Variants in PACRG observed in about 807,000 individuals in gnomAD.
The protein encoded by PACRG is parkin coregulated.
A neutral mutation model predicts 29.7 loss-of-function variants in PACRG; 29 were observed. The ratio of observed to expected loss-of-function variants is 0.98; its 90% CI spans 0.73 to 1.33. PACRG has a LOEUF of 1.33. Ranked by LOEUF, PACRG falls within the 40% of genes most tolerant of loss-of-function variation. The pLI is 0.00. For missense variants in PACRG, 279 were observed against 316.2 expected, an observed-to-expected ratio of 0.88 and a Z score of 0.89; for synonymous variants, 116 against 118.7, an observed-to-expected ratio of 0.98 and a Z score of 0.15.
At chr6:162,875,764 C>T (rs1040833901) in intron 2 of PACRG, among the ~76,000 whole-genome samples, 1 of 152,192 alleles carries the variant, frequency 6.6e-6, no homozygotes, top group Non-Finnish European at 1.5e-5. Context: ...ATCAACCTGG[C>T]ATTCCACTAA....
chr6:163,192,570 A>G (rs934311796), intron 4 of PACRG, among the ~76,000 whole-genome samples: 3 of 152,206 alleles, frequency 2.0e-5, no homozygotes, highest in Non-Finnish European at 2.9e-5. Context: ...AAAAATGTCT[A>G]TTGCCTTATT....
intron 2 of PACRG, among the ~76,000 whole-genome samples, chr6:162,826,852 G>T (rs887343327): frequency 6.6e-6 from 1 of 152,204 alleles, no homozygotes; most frequent in Middle Eastern, 3.4e-3. Flanking sequence ...CTATTACTAT[G>T]AATCTCTTGA....
intron 4 of PACRG, among the ~76,000 whole-genome samples, chr6:163,174,678 A>C (rs1415147557): frequency 6.6e-6 from 1 of 152,190 alleles, no homozygotes; most frequent in African/African-American, 2.4e-5. Flanking sequence ...AAACTTTTTC[A>C]TATATTCAAC....
chr6:163,039,861 G>A (rs1808526735), intron 2 of PACRG, among the ~76,000 whole-genome samples: 1 of 152,222 alleles, frequency 6.6e-6, no homozygotes, highest in Non-Finnish European at 1.5e-5. Context: ...GAGCAGAAAA[G>A]TTTGGAAAAT....
At chr6:163,279,083 T>C (rs1419888857) in intron 4 of PACRG, among the ~76,000 whole-genome samples, 14 of 152,200 alleles carry the variant, frequency 9.2e-5, no homozygotes, top group Non-Finnish European at 1.5e-5. Flanking sequence ...TATTTAGTTT[T>C]TTCTTTTTGC....
chr6:163,078,556 A>C (rs991762178), intron 3 of PACRG, among the ~76,000 whole-genome samples: 6 of 152,174 alleles, frequency 3.9e-5, no homozygotes, highest in African/African-American at 1.4e-4. Flanking sequence ...GGGCTATTTC[A>C]GTGATTAAAT....
intron 2 of PACRG, among the ~76,000 whole-genome samples, chr6:163,040,097 G>C (rs765668892): frequency 5.7e-4 from 87 of 152,236 alleles, no homozygotes; most frequent in Admixed American, 2.1e-3. Flanking sequence ...GGGCCCCACT[G>C]CTCTGAGCGG....
At chr6:162,794,375 A>G (rs1479747341) in intron 1 of PACRG, among the ~76,000 whole-genome samples, 1 of 152,036 alleles carries the variant, frequency 6.6e-6, no homozygotes, top group African/African-American at 2.4e-5. Flanking sequence ...ATGCTTGTAT[A>G]TATCTATTTG....
At chr6:162,769,752 A>G (rs1362508866) in intron 1 of PACRG, among the ~76,000 whole-genome samples, 3 of 146,948 alleles carry the variant, frequency 2.0e-5, no homozygotes, top group African/African-American at 7.9e-5. Context: ...TATCCTACTT[A>G]AAAGAAGGTT....
At chr6:162,785,168 C>CAGAGAGAGAGAGAGAGAG (rs71008111) in intron 1 of PACRG, among the ~76,000 whole-genome samples, 1 of 138,024 alleles carries the variant, frequency 7.2e-6, no homozygotes, top group African/African-American at 2.6e-5. Flanking sequence ...ATGAGGGAGG[C>CAGAGAGAGAGAGAGAGAG]AGAGAGAGAG....
intron 4 of PACRG, among the ~76,000 whole-genome samples, chr6:163,127,019 G>A (rs913178107): frequency 2.6e-5 from 4 of 152,302 alleles, no homozygotes; most frequent in African/African-American, 4.8e-5. Flanking sequence ...AACTGACTAC[G>A]TAGCATCAAT....
intron 4 of PACRG, among the ~76,000 whole-genome samples, chr6:163,307,502 A>G (rs1240392570): frequency 1.3e-5 from 2 of 152,146 alleles, no homozygotes; most frequent in Non-Finnish European, 2.9e-5. Context: ...TGGTTGAAAA[A>G]CCATTGCAAC....
chr6:162,928,766 TACTCCCC>T (rs982208194), intron 2 of PACRG, among the ~76,000 whole-genome samples: 10 of 151,950 alleles, frequency 6.6e-5, no homozygotes, highest in African/African-American at 2.2e-4. Context: ...TTTCTCCCCC[TACTCCCC>T]ACTCTTTCCA....
intron 2 of PACRG, among the ~76,000 whole-genome samples, chr6:162,852,008 G>GAAGGAAGGAAGGAAGGA (rs1562663969): frequency 2.7e-4 from 32 of 117,968 alleles, no homozygotes; most frequent in Middle Eastern, 4.3e-3. Context: ...AGGGAGGGAG[G>GAAGGAAGGAAGGAAGGA]AAGGAAGGAA....
chr6:163,080,540 G>A (rs966115856), intron 3 of PACRG, among the ~76,000 whole-genome samples: 11 of 152,214 alleles, frequency 7.2e-5, no homozygotes, highest in African/African-American at 2.7e-4. Flanking sequence ...GGAATATGGG[G>A]AGTGTCAAAT....
intron 4 of PACRG, among the ~76,000 whole-genome samples, chr6:163,242,716 C>T (rs79601150): frequency 0.08 from 12,209 of 152,088 alleles, 972 homozygotes; most frequent in East Asian, 0.21. Context: ...ATGTGTAAGC[C>T]ACAGCACCTT....
rs142455767 is a variant in PACRG, at chr6:162,995,733, A to T, written c.292-66417A>T. Among the ~76,000 whole-genome samples the T allele has an allele frequency of 9.2e-3, 1,394 of 152,266 alleles. 12 individuals carry two copies. Among genetic ancestry groups the T allele is most frequent in the African/African-American group, 0.024 (993 of 41,554 alleles). On this transcript the variant is annotated intron_variant, in intron 2 of 4. Coordinates refer to ENST00000366888, the MANE Select transcript of PACRG (RefSeq NM_001080379.2). Reference sequence around the variant, plus strand: ...GCTCACGCTGGGAGCTGTAGACCGGAGCTGTTCCTATTCGGCCATCTTGGC... The same window carrying T: ...GCTCACGCTGGGAGCTGTAGACCGGTGCTGTTCCTATTCGGCCATCTTGGC...
At chr6:162,797,103 C>G (rs1483411503) in intron 1 of PACRG, among the ~76,000 whole-genome samples, 1 of 152,062 alleles carries the variant, frequency 6.6e-6, no homozygotes, top group Admixed American at 6.5e-5. Context: ...ATGGCGACCC[C>G]CCGTCTCTAC....
intron 1 of PACRG, among the ~76,000 whole-genome samples, chr6:162,808,137 T>C (rs1180871943): frequency 6.6e-6 from 1 of 152,214 alleles, no homozygotes; most frequent in Admixed American, 6.5e-5. Context: ...GCAATTACAG[T>C]TGGCAAATGA....
Sources: gnomAD v4.1 joint callset for allele counts (sites outside exome capture counted in the v4.1 genomes callset) on GRCh38, gnomAD v4.1.1 for gene constraint, MANE v1.5 for transcripts, NCBI Gene and HGNC (gene_info 2026-07-23, HGNC 2026-07-21) for gene names.